FARS2: variants seen among roughly 807,000 people sequenced by gnomAD.
FARS2 encodes the protein phenylalanine--tRNA ligase, mitochondrial.
In FARS2, 40 loss-of-function variants were observed where a neutral mutation model predicts 46.4. The ratio of observed to expected loss-of-function variants is 0.86; its 90% CI spans 0.67 to 1.12. FARS2 has a LOEUF of 1.12. Among genes scored for constraint, FARS2 ranks in the 50% most tolerant of loss-of-function variants. FARS2 has a pLI of 0.00. For missense variants in FARS2, 513 were observed against 567.9 expected (o/e 0.90, Z 0.98); for synonymous variants, 234 against 214.9 (o/e 1.09, Z -0.78).
At chr6:5,537,016 A>G (rs906370263) in intron 4 of FARS2, among the ~76,000 whole-genome samples, 11 of 152,180 alleles carry the variant, frequency 7.2e-5, no homozygotes, top group African/African-American at 2.4e-4. Flanking sequence ...TTGACTGATG[A>G]AAGTATAATG....
intron 6 of FARS2, among the ~76,000 whole-genome samples, chr6:5,624,115 G>A (rs1305129422): frequency 6.7e-6 from 1 of 150,232 alleles, no homozygotes. Flanking sequence ...TGCTGGTGAT[G>A]TGGGTATAAG....
At chr6:5,383,594 G>A (rs1355411334) in intron 2 of FARS2, among the ~76,000 whole-genome samples, 1 of 152,110 alleles carries the variant, frequency 6.6e-6, no homozygotes, top group African/African-American at 2.4e-5. Flanking sequence ...AGCCTGCCAC[G>A]CTCCTGACAT....
upstream of FARS2, chr6:5,260,758 G>T: frequency 6.5e-7 from 1 of 1,540,200 alleles, no homozygotes; most frequent in Non-Finnish European, 8.7e-7. Context: ...AAAATAAACG[G>T]GTCCTCTTCG....
At chr6:5,284,965 C>A (rs1010257195) in intron 1 of FARS2, among the ~76,000 whole-genome samples, 1 of 152,164 alleles carries the variant, frequency 6.6e-6, no homozygotes, top group African/African-American at 2.4e-5. Flanking sequence ...CAGTCGTCAC[C>A]CCCACCCCAA....
chr6:5,573,321 A>G (rs1186102089), intron 5 of FARS2, among the ~76,000 whole-genome samples: 1 of 152,202 alleles, frequency 6.6e-6, no homozygotes, highest in Admixed American at 6.5e-5. Context: ...GGCAACTTTT[A>G]TTGAGTGCTT....
chr6:5,506,511 A>G (rs1582299643), intron 4 of FARS2, among the ~76,000 whole-genome samples: 1 of 152,124 alleles, frequency 6.6e-6, no homozygotes, highest in African/African-American at 2.4e-5. Flanking sequence ...TCTGTTTACA[A>G]TTCTGCAGGC....
At chr6:5,408,267 G>T (rs1761729441) in intron 3 of FARS2, among the ~76,000 whole-genome samples, 1 of 152,170 alleles carries the variant, frequency 6.6e-6, no homozygotes, top group African/African-American at 2.4e-5. Context: ...CTCCTGGAAG[G>T]CTCCTGCTGA....
chr6:5,569,447 C>A (rs1772509504), intron 5 of FARS2, among the ~76,000 whole-genome samples: 1 of 152,072 alleles, frequency 6.6e-6, no homozygotes, highest in Admixed American at 6.6e-5. Context: ...CCACATTGTC[C>A]ATGCTGAGCT....
intron 1 of FARS2, among the ~76,000 whole-genome samples, chr6:5,305,454 G>A (rs558566434): frequency 2.6e-5 from 4 of 152,150 alleles, no homozygotes; most frequent in Non-Finnish European, 5.9e-5. Context: ...CTGCCCACAT[G>A]TGAAACCTCC....
intron 4 of FARS2, among the ~76,000 whole-genome samples, chr6:5,437,375 G>C (rs1203758536): frequency 6.6e-6 from 1 of 152,164 alleles, no homozygotes; most frequent in Non-Finnish European, 1.5e-5. Context: ...TAATTGAATA[G>C]TGTTTAGCTC....
chr6:5,496,302 G>C (rs1410602383), intron 4 of FARS2, among the ~76,000 whole-genome samples: 1 of 152,076 alleles, frequency 6.6e-6, no homozygotes, highest in Non-Finnish European at 1.5e-5. Flanking sequence ...TGATACTATA[G>C]GAATCAGTAT....
intron 4 of FARS2, among the ~76,000 whole-genome samples, chr6:5,496,970 C>T (rs1767508799): frequency 6.6e-6 from 1 of 152,120 alleles, no homozygotes; most frequent in South Asian, 2.1e-4. Flanking sequence ...GTGCATGCAC[C>T]TCTGCACCCA....
At chr6:5,647,425 A>G (rs1777134103) in intron 6 of FARS2, among the ~76,000 whole-genome samples, 1 of 152,236 alleles carries the variant, frequency 6.6e-6, no homozygotes. Context: ...CCTCAAAATA[A>G]AATGGAAACT....
At chr6:5,609,281 A>C in intron 5 of FARS2, 1 of 1,054,858 alleles carries the variant, frequency 9.5e-7, no homozygotes, top group African/African-American at 1.5e-5. Flanking sequence ...TGCCCTAGCC[A>C]CCTTGGTTTC....
intron 6 of FARS2, chr6:5,664,911 T>G (rs1303865888): frequency 6.6e-6 from 1 of 152,268 alleles, no homozygotes; most frequent in African/African-American, 2.4e-5. Flanking sequence ...GCCAGTTCTC[T>G]TCATCTGGTT....
upstream of FARS2, chr6:5,260,681 C>CT: frequency 6.5e-7 from 1 of 1,543,550 alleles, no homozygotes; most frequent in Non-Finnish European, 8.7e-7. Context: ...CTTGCTCTCT[C>CT]TCAGCATCGC....
At chr6:5,755,072 A>G (rs1303202953) in intron 6 of FARS2, among the ~76,000 whole-genome samples, 1 of 152,092 alleles carries the variant, frequency 6.6e-6, no homozygotes, top group African/African-American at 2.4e-5. Flanking sequence ...CCTTCTCTCT[A>G]CTGTATTCCA....
intron 4 of FARS2, among the ~76,000 whole-genome samples, chr6:5,492,504 G>C (rs1237175759): frequency 1.3e-5 from 2 of 152,142 alleles, no homozygotes; most frequent in African/African-American, 4.8e-5. Flanking sequence ...TTTCTTCACA[G>C]CTTTATCTTA....
At chr6:5,482,540 C>T (rs758645762) in intron 4 of FARS2, among the ~76,000 whole-genome samples, 1 of 152,116 alleles carries the variant, frequency 6.6e-6, no homozygotes, top group African/African-American at 2.4e-5. Flanking sequence ...TCTTTGCTTC[C>T]TCCAGGTATT....
Sources: gnomAD v4.1 joint callset for allele counts (sites outside exome capture counted in the v4.1 genomes callset) on GRCh38, gnomAD v4.1.1 for gene constraint, MANE v1.5 for transcripts, NCBI Gene and HGNC (gene_info 2026-07-23, HGNC 2026-07-21) for gene names.